The following KIDINS220 variants were observed in gnomAD, a reference collection of about 807,000 sequenced individuals.
KIDINS220 encodes the protein kinase D interacting substrate 220, also known as kinase D-interacting substrate of 220 kDa.
Under a neutral mutation model 157.6 loss-of-function variants are expected in KIDINS220, and 63 were observed. The ratio of observed to expected loss-of-function variants is 0.40; its 90% CI spans 0.33 to 0.49. The LOEUF (loss-of-function observed/expected upper bound fraction) is 0.49, where lower values mean the gene tolerates loss of function less well. Among genes scored for constraint, KIDINS220 ranks in the 20% least tolerant of loss-of-function variants. KIDINS220 has a pLI of 0.66. For missense variants in KIDINS220, 1,772 were observed against 2,171.2 expected, an observed-to-expected ratio of 0.82 and a Z score of 3.65; for synonymous variants, 732 against 783.6, an observed-to-expected ratio of 0.93 and a Z score of 1.10.
chr2:8,749,477 C>G lies in KIDINS220; in HGVS notation c.3414+635G>C, dbSNP rs1667021185. On this transcript the variant is annotated intron_variant, in intron 24 of 29. Transcript: ENST00000256707. ...AAAGTGAGAATATAGCTTGGGCCTACTAAACTTGACAGGGCCTGAATACCA... is the reference window on the plus strand; with the variant it reads ...AAAGTGAGAATATAGCTTGGGCCTAGTAAACTTGACAGGGCCTGAATACCA... The G allele has an allele frequency of 2.7e-5, 12 of 447,952 alleles. 1 individual carries two copies. Among genetic ancestry groups the G allele is most frequent in the South Asian group, 1.9e-4 (12 of 62,816 alleles). 27.7% of individuals were successfully genotyped at this position (447,952 alleles called of 1,614,324 possible). A position where few individuals can be genotyped will look rare whatever the true frequency, so the allele number is the denominator to read the frequency against.
chr2:8,760,415 C>T (rs562575924), intron 22 of KIDINS220, among the ~76,000 whole-genome samples: 51 of 152,268 alleles, frequency 3.3e-4, no homozygotes, highest in African/African-American at 1.2e-3. Context: ...TTCACCTAGT[C>T]AGAGAAGCAG....
chr2:8,803,073 T>C lies in KIDINS220; in HGVS notation c.658A>G (p.Lys220Glu). Residue 220 changes from lysine (K) to glutamate (E), a missense_variant, in exon 8 of 30, where the codon AAA becomes GAA. Lys to Glu is a moderately conservative substitution (Grantham distance 56). Coordinates refer to ENST00000256707, the MANE Select transcript of KIDINS220 (RefSeq NM_020738.4). ...AVKGGYTQSV[K>E]EILKRNPNVN... is the part of the protein sequence containing the mutation. ...TTTGGATTCCTCTTCAAAATTTCTT[T>C]TACTGACTGTGTGTAACCTCCTTTC... 1 of 1,613,044 alleles carries C rather than the reference T, an allele frequency of 6.2e-7. No homozygotes were observed. The highest frequency in any genetic ancestry group is 8.5e-7 in the Non-Finnish European group (1 of 1,179,954).
chr2:8,752,217 C>T (rs1348447717), intron 22 of KIDINS220, among the ~76,000 whole-genome samples: 3 of 152,052 alleles, frequency 2.0e-5, no homozygotes, highest in Admixed American at 6.6e-5. Context: ...GACGAGATTT[C>T]GCCATGTTGC....
chr2:8,747,845 T>A, intron 25 of KIDINS220, 42 bp downstream of exon 25: 2 of 1,268,286 alleles, frequency 1.6e-6, no homozygotes, highest in Non-Finnish European at 2.2e-6. Context: ...TATCTATGTT[T>A]ATTATTAAAT....
intron 1 of KIDINS220, among the ~76,000 whole-genome samples, chr2:8,834,443 C>A (rs528061325): frequency 1.3e-5 from 2 of 151,778 alleles, no homozygotes; most frequent in South Asian, 2.1e-4. Context: ...ATGGTGTATA[C>A]CATTTATACG....
rs147360993 is a variant in KIDINS220, at chr2:8,831,440, T to G, written c.-36-4311A>C. On this transcript the variant is annotated intron_variant, in intron 1 of 29. Coordinates refer to ENST00000256707, the MANE Select transcript of KIDINS220 (RefSeq NM_020738.4). ...AGACCTTTGCACTTAATGCCCCCTC[T>G]GCTTAGAAAGTCCATTCTCCACGTA... Among the ~76,000 whole-genome samples, 448 of 152,130 alleles carry G rather than the reference T, an allele frequency of 2.9e-3. 3 individuals are homozygous for G. Among genetic ancestry groups the G allele is most frequent in the African/African-American group, 1.0e-2 (414 of 41,472 alleles).
At chr2:8,746,112 T>C (rs1666525441) in intron 26 of KIDINS220, among the ~76,000 whole-genome samples, 3 of 151,708 alleles carry the variant, frequency 2.0e-5, no homozygotes, top group Non-Finnish European at 2.9e-5. Flanking sequence ...AATTTTTTTT[T>C]TTTTTTTGAG....
At chr2:8,773,180 T>C (rs1300357195) in intron 21 of KIDINS220, among the ~76,000 whole-genome samples, 1 of 152,200 alleles carries the variant, frequency 6.6e-6, no homozygotes, top group Non-Finnish European at 1.5e-5. Flanking sequence ...TTATATTTGA[T>C]GAGACATAAA....
chr2:8,769,373 A>G (rs1669883589), intron 22 of KIDINS220, among the ~76,000 whole-genome samples: 1 of 152,220 alleles, frequency 6.6e-6, no homozygotes, highest in Non-Finnish European at 1.5e-5. Context: ...AAGAATCTAA[A>G]GCAGCCACAA....
chr2:8,742,741 A>G (rs962353094), intron 26 of KIDINS220, among the ~76,000 whole-genome samples: 1 of 152,218 alleles, frequency 6.6e-6, no homozygotes, highest in Admixed American at 6.5e-5. Flanking sequence ...TCTGTGAAGC[A>G]AGATTTTCAT....
In KIDINS220 at chr2:8,752,089, T is replaced by G. The variant is rs138503802; in HGVS notation, c.3012-445A>C. 1.9e-3 allele frequency among the ~76,000 whole-genome samples: 282 copies of G among 151,766 alleles called. 2 individuals carry two copies. The highest frequency in any genetic ancestry group is 6.9e-3 in the Middle Eastern group (2 of 290). On this transcript the variant is annotated intron_variant, in intron 22 of 29. Transcript: ENST00000256707. Reference sequence around the variant, plus strand: ...AGGCTGGAGTGCAGTGGTGCAGTCTTGGCTCATTGCAACCTCTGCCTCCCA... The same window carrying G: ...AGGCTGGAGTGCAGTGGTGCAGTCTGGGCTCATTGCAACCTCTGCCTCCCA...
chr2:8,789,923 T>A lies in KIDINS220; in HGVS notation c.1578A>T (p.Ile526=). 6.2e-7 allele frequency: 1 copy of A among 1,613,644 alleles called. No individual in the cohort carries two copies. The highest frequency in any genetic ancestry group is 1.3e-5 in the African/African-American group (1 of 75,010). Residue 526 remains isoleucine (I), a synonymous_variant, in exon 14 of 30, where the codon ATA becomes ATT. Transcript: ENST00000256707. The part of the protein sequence containing the change: ...FAFTVHPNLG[I]AVSLSFLALL... ...GAGCCAAGAAGCTCAGTGACACTGC[T>A]ATTCCAAGATTTGGGTGGACCGTGA... is the stretch of plus-strand genomic sequence containing the variant.
chr2:8,779,488 G>A (rs1056714741), intron 18 of KIDINS220, among the ~76,000 whole-genome samples, 186 bp downstream of exon 18: 6 of 152,118 alleles, frequency 3.9e-5, no homozygotes, highest in Non-Finnish European at 8.8e-5. Flanking sequence ...ATATCTTTGT[G>A]ACTAAACATT....
In KIDINS220 at chr2:8,817,723, C is replaced by A; in HGVS notation, c.208-7G>T. 2 of 1,570,372 alleles carry A rather than the reference C, an allele frequency of 1.3e-6. No homozygotes were observed. Among genetic ancestry groups the A allele is most frequent in the South Asian group, 2.4e-5 (2 of 84,570 alleles). On this transcript the variant is annotated splice_polypyrimidine_tract_variant and splice_region_variant and intron_variant, in intron 3 of 29. Coordinates refer to ENST00000256707, the MANE Select transcript of KIDINS220 (RefSeq NM_020738.4). ...TAAGTGCTGTCCAATTATCCTTGAA[C>A]ATATATTTTAAAAGTTATCATTTTC...
intron 1 of KIDINS220, among the ~76,000 whole-genome samples, chr2:8,829,703 T>TA (rs890239601): frequency 6.6e-6 from 1 of 152,068 alleles, no homozygotes; most frequent in African/African-American, 2.4e-5. Flanking sequence ...ATACTGGAAA[T>TA]AAAAAAAGAA....
In KIDINS220 at chr2:8,762,237, A is replaced by G. The variant is rs576157381; in HGVS notation, c.3011+8433T>C. ...TTGGAATGTTCTATATACTTTTTCAATGTTAAATCTTTTAAGATAACTCGT... is the reference window on the plus strand; with the variant it reads ...TTGGAATGTTCTATATACTTTTTCAGTGTTAAATCTTTTAAGATAACTCGT... On this transcript the variant is annotated intron_variant, in intron 22 of 29. Coordinates refer to ENST00000256707, the MANE Select transcript of KIDINS220 (RefSeq NM_020738.4). Among the ~76,000 whole-genome samples the G allele has an allele frequency of 5.9e-5, 9 of 152,328 alleles. 1 individual carries two copies. In the East Asian group the frequency reaches 1.7e-3, roughly 29 times the overall value.
downstream of KIDINS220, among the ~76,000 whole-genome samples, chr2:8,726,617 T>C (rs1663344860): frequency 6.6e-6 from 1 of 152,182 alleles, no homozygotes; most frequent in South Asian, 2.1e-4. Context: ...CAGAGCACAC[T>C]TAAACAGACC....
chr2:8,834,115 C>T (rs1177418763), intron 1 of KIDINS220, among the ~76,000 whole-genome samples: 1 of 152,164 alleles, frequency 6.6e-6, no homozygotes, highest in Non-Finnish European at 1.5e-5. Context: ...CACCCCTGTG[C>T]AGTCCCCAGA....
intron 6 of KIDINS220, among the ~76,000 whole-genome samples, chr2:8,810,693 G>A (rs1366111916): frequency 6.6e-6 from 1 of 152,156 alleles, no homozygotes; most frequent in African/African-American, 2.4e-5. Flanking sequence ...GGCTGACACA[G>A]GAGAATCGCT....
Sources: gnomAD v4.1 joint callset for allele counts (sites outside exome capture counted in the v4.1 genomes callset) on GRCh38, gnomAD v4.1.1 for gene constraint, MANE v1.5 for transcripts, NCBI Gene and HGNC (gene_info 2026-07-23, HGNC 2026-07-21) for gene names.